The following SDK1 variants were observed in gnomAD, a reference collection of about 807,000 sequenced individuals.
The protein encoded by SDK1 is sidekick cell adhesion molecule 1.
SDK1 carries 157 observed loss-of-function variants against 245.5 expected under a neutral mutation model. The ratio of observed to expected loss-of-function variants is 0.64; its 90% CI spans 0.56 to 0.73. SDK1 has a LOEUF of 0.73. SDK1 is among the 30% of genes least tolerant of loss of function. SDK1 has a pLI of 0.00. For synonymous variants in SDK1, 1,647 were observed against 1,278.5 expected (o/e 1.29, Z -6.15); for missense variants, 3,583 against 3,002.3 (o/e 1.19, Z -4.52).
intron 7 of SDK1, among the ~76,000 whole-genome samples, chr7:3,954,174 G>A: frequency 1.3e-5 from 2 of 151,398 alleles, no homozygotes; most frequent in Admixed American, 6.6e-5. Flanking sequence ...ACAGAGGTCG[G>A]CTTCCAGGCA....
At chr7:3,865,640 C>G (rs1017986339) in intron 5 of SDK1, among the ~76,000 whole-genome samples, 7 of 151,952 alleles carry the variant, frequency 4.6e-5, no homozygotes, top group East Asian at 1.9e-4. Context: ...CCTCAAGTAA[C>G]TGGGACTACA....
intron 1 of SDK1, among the ~76,000 whole-genome samples, chr7:3,525,671 C>T (rs1562539793): frequency 6.6e-6 from 1 of 152,030 alleles, no homozygotes; most frequent in East Asian, 1.9e-4. Context: ...ATTAATTTGG[C>T]AGGTGATATC....
Position 4,210,174 on chromosome 7 carries a change from G to A in SDK1, c.5539+12G>A. 6.5e-7 allele frequency: 1 copy of A among 1,535,044 alleles called. No homozygotes were observed. The highest frequency in any genetic ancestry group is 8.8e-7 in the Non-Finnish European group (1 of 1,142,534). ...GGCCCCTGTACAAGGTAAGACCCGGGGTTGGGGAGATGGGAGCGCGGGCCA... is the reference window on the plus strand; with the variant it reads ...GGCCCCTGTACAAGGTAAGACCCGGAGTTGGGGAGATGGGAGCGCGGGCCA... On this transcript the variant is annotated intron_variant, in intron 38 of 44. Coordinates refer to ENST00000404826, the MANE Select transcript of SDK1 (RefSeq NM_152744.4).
At chr7:3,678,780 T>G (rs138814676) in intron 4 of SDK1, among the ~76,000 whole-genome samples, 1 of 152,296 alleles carries the variant, frequency 6.6e-6, no homozygotes, top group African/African-American at 2.4e-5. Flanking sequence ...AAATGATAGA[T>G]TTCAGGCATA....
intron 35 of SDK1, among the ~76,000 whole-genome samples, chr7:4,182,763 C>T (rs1401440562): frequency 6.6e-6 from 1 of 152,190 alleles, no homozygotes; most frequent in Non-Finnish European, 1.5e-5. Context: ...GAGGGAGAGG[C>T]AGAGCTGGTG....
At chr7:4,252,181 A>T (rs1787345193) in intron 44 of SDK1, among the ~76,000 whole-genome samples, 1 of 151,814 alleles carries the variant, frequency 6.6e-6, no homozygotes, top group South Asian at 2.1e-4. Context: ...AACATTAGGT[A>T]TATCTCCTAA....
At chr7:3,717,800 C>G (rs1405140082) in intron 4 of SDK1, among the ~76,000 whole-genome samples, 1 of 152,044 alleles carries the variant, frequency 6.6e-6, no homozygotes, top group Non-Finnish European at 1.5e-5. Context: ...GATATCCTGG[C>G]AGAGATCATT....
At chr7:3,856,664 A>G (rs572849837) in intron 5 of SDK1, among the ~76,000 whole-genome samples, 3 of 151,964 alleles carry the variant, frequency 2.0e-5, no homozygotes, top group South Asian at 4.2e-4. Context: ...GGTGGCGGGC[A>G]CCTGTAATCC....
At chr7:3,600,370 A>G (rs760533902) in intron 1 of SDK1, among the ~76,000 whole-genome samples, 2 of 152,118 alleles carry the variant, frequency 1.3e-5, no homozygotes, top group Non-Finnish European at 2.9e-5. Context: ...TCATCTACAA[A>G]TAATAACAAT....
At chr7:4,041,412 A>G (rs1788628017) in intron 17 of SDK1, among the ~76,000 whole-genome samples, 1 of 151,960 alleles carries the variant, frequency 6.6e-6, no homozygotes, top group African/African-American at 2.4e-5. Context: ...CCCCCACCAG[A>G]GTGGTACCTT....
At chr7:3,831,997 G>A (rs1779923768) in intron 5 of SDK1, among the ~76,000 whole-genome samples, 1 of 152,084 alleles carries the variant, frequency 6.6e-6, no homozygotes, top group African/African-American at 2.4e-5. Flanking sequence ...GCTGCAGTGA[G>A]CTGAGATCAC....
At chr7:4,031,046 C>T (rs986727798) in intron 17 of SDK1, among the ~76,000 whole-genome samples, 1 of 152,124 alleles carries the variant, frequency 6.6e-6, no homozygotes, top group Non-Finnish European at 1.5e-5. Context: ...GACAAGTATA[C>T]ATATACATGT....
chr7:4,068,755 T>A (rs2128173599), intron 20 of SDK1, among the ~76,000 whole-genome samples: 1 of 150,750 alleles, frequency 6.6e-6, no homozygotes, highest in East Asian at 1.9e-4. Flanking sequence ...AGGGTCTTGC[T>A]CTCTCGCCCA....
At chr7:3,323,358 C>T (rs1049909365) in intron 1 of SDK1, among the ~76,000 whole-genome samples, 3 of 152,168 alleles carry the variant, frequency 2.0e-5, no homozygotes, top group African/African-American at 7.2e-5. Flanking sequence ...ATCACGATTG[C>T]TGCTGGTGCC....
chr7:4,092,820 G>A (rs1337039225), intron 22 of SDK1, among the ~76,000 whole-genome samples: 3 of 152,166 alleles, frequency 2.0e-5, no homozygotes, highest in African/African-American at 4.8e-5. Flanking sequence ...GCCCCGTCTC[G>A]AGGCTCTGTG....
In SDK1 at chr7:3,969,262, C is replaced by A; in HGVS notation, c.1552C>A (p.His518Asn). ...TTTTCTCCACTGTTCTTTAGAAAAC[C>A]ACATTCTGGCCAGTGGCTCTGTCCG... is the stretch of plus-strand genomic sequence containing the variant. ...KPAITWKREN[H>N]ILASGSVRIP... Residue 518 changes from histidine to asparagine, a missense_variant, in exon 11 of 45, where the codon CAC becomes AAC. Physicochemically the swap from His to Asn is moderately conservative, Grantham distance 68. Coordinates refer to ENST00000404826, the MANE Select transcript of SDK1 (RefSeq NM_152744.4). 1 of 1,593,548 alleles carries A rather than the reference C, an allele frequency of 6.3e-7. No homozygotes were observed. The highest frequency in any genetic ancestry group is 8.5e-7 in the Non-Finnish European group (1 of 1,169,760).
intron 4 of SDK1, among the ~76,000 whole-genome samples, chr7:3,682,486 C>T (rs1449486652): frequency 6.6e-4 from 4 of 6,034 alleles, no homozygotes; most frequent in Non-Finnish European, 1.6e-3. Context: ...CCCACGGAGG[C>T]GCTCGTATGC....
At chr7:3,642,228 G>T (rs746836999) in intron 4 of SDK1, 123 bp downstream of exon 4, 15 of 807,322 alleles carry the variant, frequency 1.9e-5, no homozygotes, top group Non-Finnish European at 2.8e-5. Context: ...TAGTCTAGGA[G>T]TCCTATCCTA....
intron 22 of SDK1, among the ~76,000 whole-genome samples, chr7:4,081,748 A>G (rs893314007): frequency 6.6e-6 from 1 of 152,154 alleles, no homozygotes. Flanking sequence ...TTAATGTAAA[A>G]CATCTTAAAT....
Sources: gnomAD v4.1 joint callset for allele counts (sites outside exome capture counted in the v4.1 genomes callset) on GRCh38, gnomAD v4.1.1 for gene constraint, MANE v1.5 for transcripts, NCBI Gene and HGNC (gene_info 2026-07-23, HGNC 2026-07-21) for gene names.